RPL26L1: variants seen among roughly 807,000 people sequenced by gnomAD.
The protein encoded by RPL26L1 is ribosomal protein uL24-like.
Under a neutral mutation model 15.2 loss-of-function variants are expected in RPL26L1, and 8 were observed. The ratio of observed to expected loss-of-function variants is 0.53; its 90% CI spans 0.31 to 0.95. The LOEUF is 0.95. Among genes scored for constraint, RPL26L1 ranks in the 40% least tolerant of loss-of-function variants. The pLI is 0.05. For synonymous variants in RPL26L1, 51 were observed against 65.9 expected (o/e 0.77, Z 1.09); for missense variants, 146 against 190.9 (o/e 0.76, Z 1.39).
upstream of RPL26L1, among the ~76,000 whole-genome samples, chr5:172,956,685 C>G (rs1754987087): frequency 6.6e-6 from 1 of 152,150 alleles, no homozygotes; most frequent in Non-Finnish European, 1.5e-5. Flanking sequence ...CATCTGTAAT[C>G]CCAGCACTTT....
intron 2 of RPL26L1, 59 bp downstream of exon 2, chr5:172,960,100 T>A: frequency 6.3e-7 from 1 of 1,595,866 alleles, no homozygotes; most frequent in Non-Finnish European, 8.6e-7. Context: ...ACGTCATGCG[T>A]GGAGCAGTCA....
At chr5:172,968,407 T>C in intron 2 of RPL26L1, 52 bp from the exon 3 acceptor site, 1 of 1,597,086 alleles carries the variant, frequency 6.3e-7, no homozygotes, top group Non-Finnish European at 8.6e-7. Context: ...GCTTCCTCTT[T>C]ATGATCATGC....
chr5:172,960,384 T>C (rs1347551115), intron 2 of RPL26L1, among the ~76,000 whole-genome samples: 3 of 152,170 alleles, frequency 2.0e-5, no homozygotes, highest in Non-Finnish European at 4.4e-5. Flanking sequence ...CCCAAAGCAC[T>C]GGGATTACAA....
upstream of RPL26L1, chr5:172,959,333 C>A (rs1197594958): frequency 7.0e-6 from 7 of 1,000,886 alleles, no homozygotes; most frequent in Non-Finnish European, 8.4e-6. Flanking sequence ...GCACTGAGAT[C>A]CCACCCCAAG....
In RPL26L1 at chr5:172,968,505, A is replaced by G; in HGVS notation, c.215A>G (p.Gln72Arg). The change falls in exon 3 of 4, where the codon CAG becomes CGG. Residue 72 changes from glutamine to arginine, a missense_variant. By Grantham distance (43) the Gln-to-Arg change is conservative. Coordinates refer to ENST00000265100, the MANE Select transcript of RPL26L1 (RefSeq NM_016093.4). Reference protein sequence around the residue: ...YKGQQIGKVVQVYRKKYVIYI... With the variant: ...YKGQQIGKVVRVYRKKYVIYI... Reference sequence around the variant, plus strand: ...GGTCAGCAAATTGGCAAGGTAGTCCAGGTGTACAGAAAGAAATATGTCATC... The same window carrying G: ...GGTCAGCAAATTGGCAAGGTAGTCCGGGTGTACAGAAAGAAATATGTCATC... 38 of 1,614,156 alleles carry G rather than the reference A, an allele frequency of 2.4e-5. No individual in the cohort carries two copies. The highest frequency in any genetic ancestry group is 3.1e-5 in the Non-Finnish European group (37 of 1,180,002).
At chr5:172,966,064 C>G (rs1755437269) in intron 2 of RPL26L1, among the ~76,000 whole-genome samples, 1 of 152,208 alleles carries the variant, frequency 6.6e-6, no homozygotes, top group African/African-American at 2.4e-5. Context: ...CCGACTTAGT[C>G]TTATCCTGTC....
intron 1 of RPL26L1, 123 bp from the exon 2 acceptor site, chr5:172,959,742 C>A: frequency 8.1e-7 from 1 of 1,237,660 alleles, no homozygotes; most frequent in Non-Finnish European, 1.2e-6. Context: ...CCCTCAGTTG[C>A]CTTTTCAGAG....
At chr5:172,964,281 CTTTT>C (rs1204432096) in intron 2 of RPL26L1, among the ~76,000 whole-genome samples, 1 of 99,234 alleles carries the variant, frequency 1.0e-5, no homozygotes, top group African/African-American at 3.6e-5. Context: ...GGCCTGTTGC[CTTTT>C]TTTTTTTTTT....
chr5:172,966,342 T>G (rs1439778371), intron 2 of RPL26L1, among the ~76,000 whole-genome samples: 3 of 141,424 alleles, frequency 2.1e-5, no homozygotes, highest in African/African-American at 8.2e-5. Context: ...TTTTTTTTTT[T>G]GTAGAGACGG....
Position 172,969,712 on chromosome 5 carries a change from T to C in RPL26L1, c.*171T>C. On this transcript the variant is annotated 3_prime_UTR_variant, in exon 4 of 4. Coordinates refer to ENST00000265100, the MANE Select transcript of RPL26L1 (RefSeq NM_016093.4). Reference sequence around the variant, plus strand: ...TAATTTTATGAATAAAAATGGGAAATGCTTCCTAATTCCACATAGTATTTG... The same window carrying C: ...TAATTTTATGAATAAAAATGGGAAACGCTTCCTAATTCCACATAGTATTTG... 1 of 557,862 alleles carries C rather than the reference T, an allele frequency of 1.8e-6. No homozygotes were observed. Among genetic ancestry groups the C allele is most frequent in the South Asian group, 2.4e-5 (1 of 42,350 alleles). The allele number at this position is 557,862 out of a possible 1,614,324, so 34.6% of individuals were successfully genotyped here. A position where few individuals can be genotyped will look rare whatever the true frequency, so the allele number is the denominator to read the frequency against.
intron 2 of RPL26L1, among the ~76,000 whole-genome samples, chr5:172,960,870 C>A: frequency 7.4e-6 from 1 of 135,544 alleles, no homozygotes; most frequent in Non-Finnish European, 1.5e-5. Flanking sequence ...GGTTTCCTAG[C>A]CTCAGCTCTA....
intron 3 of RPL26L1, 76 bp downstream of exon 3, chr5:172,968,675 C>G (rs1011563246): frequency 6.4e-7 from 1 of 1,561,516 alleles, no homozygotes; most frequent in African/African-American, 1.4e-5. Context: ...TGTTTTGGTA[C>G]TCCCTGCACA....
intron 2 of RPL26L1, among the ~76,000 whole-genome samples, chr5:172,963,121 T>C (rs1002806002): frequency 2.6e-5 from 4 of 152,040 alleles, no homozygotes; most frequent in Admixed American, 2.6e-4. Context: ...CTCACGCCTG[T>C]AATCCCGACA....
upstream of RPL26L1, chr5:172,956,168 T>C (rs768244052): frequency 1.3e-5 from 2 of 152,058 alleles, no homozygotes; most frequent in Non-Finnish European, 2.9e-5. Flanking sequence ...CTAAAAAAAG[T>C]AAAAGGGGAA....
upstream of RPL26L1, chr5:172,959,391 A>G (rs1024097070): frequency 1.5e-5 from 15 of 1,004,628 alleles, no homozygotes; most frequent in East Asian, 6.8e-4. Flanking sequence ...TGGGGCTTCG[A>G]TGTCTTTCTG....
At chr5:172,963,395 A>C (rs1174785513) in intron 2 of RPL26L1, among the ~76,000 whole-genome samples, 2 of 152,024 alleles carry the variant, frequency 1.3e-5, no homozygotes, top group Non-Finnish European at 2.9e-5. Flanking sequence ...AAAAAATCTA[A>C]AATCATTGAC....
intron 2 of RPL26L1, among the ~76,000 whole-genome samples, chr5:172,967,114 A>G (rs370030863): frequency 6.6e-6 from 1 of 150,806 alleles, no homozygotes; most frequent in African/African-American, 2.4e-5. Context: ...TTGGCCTCCC[A>G]AAGTGCTGGG....
At chr5:172,958,644 C>A (rs1278414562), upstream of RPL26L1, 6 of 290,388 alleles carry the variant, frequency 2.1e-5, no homozygotes, top group Non-Finnish European at 4.3e-5. Context: ...GACCCGGGGA[C>A]CTTTTACACC....
upstream of RPL26L1, among the ~76,000 whole-genome samples, chr5:172,954,484 G>A (rs550486): frequency 9.4e-3 from 1,425 of 150,972 alleles, 18 homozygotes; most frequent in African/African-American, 0.033. Context: ...CAGGGGCGGC[G>A]GGGGGGAAGT....
Sources: gnomAD v4.1 joint callset for allele counts (sites outside exome capture counted in the v4.1 genomes callset) on GRCh38, gnomAD v4.1.1 for gene constraint, MANE v1.5 for transcripts, NCBI Gene and HGNC (gene_info 2026-07-23, HGNC 2026-07-21) for gene names.